ODAD4: variants seen among roughly 807,000 people sequenced by gnomAD.
ODAD4 encodes the protein outer dynein arm-docking complex subunit 4.
A neutral mutation model predicts 51.8 loss-of-function variants in ODAD4; 49 were observed. That is an observed-to-expected ratio of 0.95 (90% CI 0.75 to 1.20). ODAD4 has a LOEUF of 1.20. ODAD4 is among the 50% of genes most tolerant of loss of function. The pLI is 0.00. For synonymous variants in ODAD4, 235 were observed against 221.3 expected (o/e 1.06, Z -0.55); for missense variants, 590 against 586.5 (o/e 1.01, Z -0.06).
In ODAD4 at chr17:41,961,559, A is replaced by G. The variant is rs181548775; in HGVS notation, c.1528+93A>G. 5.8e-4 allele frequency: 400 copies of G among 689,730 alleles called. 1 individual carries two copies. In the East Asian group the frequency reaches 6.7e-3, roughly 12 times the overall value. The allele number at this position is 689,730 out of a possible 1,614,324, so 42.7% of individuals were successfully genotyped here. A position where few individuals can be genotyped will look rare whatever the true frequency, so the allele number is the denominator to read the frequency against. On this transcript the variant is annotated intron_variant, in intron 11 of 11. Transcript: ENST00000377540. ...AGACACATGCGACAGCAGCTCCCCA[A>G]TCTGGGGGCTTGGCACTGCCCATCG...
intron 1 of ODAD4, among the ~76,000 whole-genome samples, chr17:41,932,309 TC>T (rs376820757): frequency 4.4e-4 from 66 of 150,820 alleles, no homozygotes; most frequent in African/African-American, 1.1e-3. Flanking sequence ...CCTCAGGTGA[TC>T]CCCCCCCACC....
intron 9 of ODAD4, among the ~76,000 whole-genome samples, chr17:41,950,456 C>G (rs2050637914): frequency 6.6e-6 from 1 of 151,092 alleles, no homozygotes; most frequent in African/African-American, 2.4e-5. Flanking sequence ...GATCTCAGCT[C>G]ACTGCAACCT....
In ODAD4 at chr17:41,961,532, C is replaced by A; in HGVS notation, c.1528+66C>A. On this transcript the variant is annotated intron_variant, in intron 11 of 11. Transcript: ENST00000377540. Reference sequence around the variant, plus strand: ...CCCTCTGCTTTCTTTTCCTCTAGTCCGAGACACATGCGACAGCAGCTCCCC... The same window carrying A: ...CCCTCTGCTTTCTTTTCCTCTAGTCAGAGACACATGCGACAGCAGCTCCCC... 8.4e-6 allele frequency: 6 copies of A among 711,422 alleles called. No individual in the cohort carries two copies. The South Asian group carries it at 9.0e-5, about 11-fold the overall frequency. 44.1% of individuals were successfully genotyped at this position (711,422 alleles called of 1,614,324 possible).
At chr17:41,962,264 C>T (rs1293587074) in intron 11 of ODAD4, among the ~76,000 whole-genome samples, 2 of 152,172 alleles carry the variant, frequency 1.3e-5, no homozygotes, top group South Asian at 2.1e-4. Flanking sequence ...CCACCTGCGG[C>T]GCTGCTCTCG....
intron 7 of ODAD4, among the ~76,000 whole-genome samples, chr17:41,940,217 C>G (rs1360430323): frequency 6.6e-6 from 1 of 152,146 alleles, no homozygotes; most frequent in Admixed American, 6.5e-5. Flanking sequence ...CGACCTGAGT[C>G]CTGCTGCTTC....
chr17:41,938,669 C>A lies in ODAD4; in HGVS notation c.738C>A (p.Tyr246Ter), dbSNP rs549565054. The A allele has an allele frequency of 6.2e-7, 1 of 1,613,976 alleles. No homozygotes were observed. Among genetic ancestry groups the A allele is most frequent in the Admixed American group, 1.7e-5 (1 of 60,010 alleles). ...SNFWRQQKPI[Y>*]ARERDRKLMQ... ...TCTGGAGGCAGCAGAAGCCGATCTA[C>A]GCCAGGGAGCGGGACCGGAAGCTGA... The change falls in exon 6 of 12, where the codon TAC becomes TAA. Residue 246 changes from tyrosine to a stop codon, truncating the protein, a stop_gained. Coordinates refer to ENST00000377540, the MANE Select transcript of ODAD4 (RefSeq NM_031421.5). LOFTEE classifies it high-confidence loss of function.
chr17:41,962,262 G>A (rs544505121), intron 11 of ODAD4, among the ~76,000 whole-genome samples: 2 of 152,316 alleles, frequency 1.3e-5, no homozygotes, highest in African/African-American at 2.4e-5. Flanking sequence ...CCCCACCTGC[G>A]GCGCTGCTCT....
chr17:41,948,419 C>T (rs966624754), intron 8 of ODAD4, among the ~76,000 whole-genome samples: 3 of 150,590 alleles, frequency 2.0e-5, no homozygotes, highest in Non-Finnish European at 2.9e-5. Flanking sequence ...CAGGCTTAAG[C>T]GATCCCCCTA....
chr17:41,933,785 G>A (rs2050383844), intron 1 of ODAD4, among the ~76,000 whole-genome samples: 1 of 151,816 alleles, frequency 6.6e-6, no homozygotes, highest in Non-Finnish European at 1.5e-5. Context: ...CTGCACTCCA[G>A]CCTGGGTGAC....
chr17:41,938,520 G>A (rs1282162113), intron 5 of ODAD4, 37 bp from the exon 6 acceptor site: 1 of 1,576,534 alleles, frequency 6.3e-7, no homozygotes, highest in Non-Finnish European at 8.7e-7. Flanking sequence ...TTAGAGGCCT[G>A]TTCTCCTTGG....
rs997749210 is a variant in ODAD4 at position 41,939,259 on chromosome 17, G to A, written c.1058+87G>A. 19 of 1,309,802 alleles carry A rather than the reference G, an allele frequency of 1.5e-5. No individual in the cohort carries two copies. The African/African-American group carries it at 2.5e-4, about 17-fold the overall frequency. The allele number at this position is 1,309,802 out of a possible 1,614,324, so 81.1% of individuals were successfully genotyped here. A position where few individuals can be genotyped will look rare whatever the true frequency, so the allele number is the denominator to read the frequency against. ...GAGGCCCTTGCCAGGGCTGCTGGTGGCTTGACTCCCATTTTCTGCTCTGCA... is the reference window on the plus strand; with the variant it reads ...GAGGCCCTTGCCAGGGCTGCTGGTGACTTGACTCCCATTTTCTGCTCTGCA... On this transcript the variant is annotated intron_variant, in intron 7 of 11. Coordinates refer to ENST00000377540, the MANE Select transcript of ODAD4 (RefSeq NM_031421.5).
At chr17:41,957,735 C>T (rs1193287274) in intron 10 of ODAD4, among the ~76,000 whole-genome samples, 2 of 152,166 alleles carry the variant, frequency 1.3e-5, no homozygotes, top group Non-Finnish European at 2.9e-5. Flanking sequence ...CATCACCTTG[C>T]ATTCCAGCTC....
Position 41,966,434 on chromosome 17 carries a change from T to G in ODAD4, c.*951T>G, listed in dbSNP as rs1473235392. On this transcript the variant is annotated 3_prime_UTR_variant, in exon 12 of 12. Coordinates refer to ENST00000377540, the MANE Select transcript of ODAD4 (RefSeq NM_031421.5). Reference sequence around the variant, plus strand: ...AATCCAATGTGGTAAAAAAAAAAGTTTTTAATTAATGCAAAAGTCCATGAT... The same window carrying G: ...AATCCAATGTGGTAAAAAAAAAAGTGTTTAATTAATGCAAAAGTCCATGAT... Among the ~76,000 whole-genome samples the G allele has an allele frequency of 2.0e-5, 3 of 152,208 alleles. No homozygotes were observed. Among genetic ancestry groups the G allele is most frequent in the Non-Finnish European group, 4.4e-5 (3 of 68,032 alleles).
At chr17:41,937,054 T>G in intron 5 of ODAD4, 127 bp downstream of exon 5, 1 of 1,162,226 alleles carries the variant, frequency 8.6e-7, no homozygotes, top group Non-Finnish European at 1.2e-6. Context: ...CAGGTTTTAT[T>G]AGCATTCTCA....
chr17:41,936,737 G>C (rs372810976), intron 4 of ODAD4, 25 bp from the exon 5 acceptor site: 8 of 1,613,076 alleles, frequency 5.0e-6, no homozygotes, highest in Non-Finnish European at 6.8e-6. Context: ...CTGAAGCTCT[G>C]TTGGGTGTTG....
Position 41,949,923 on chromosome 17 carries a change from C to G in ODAD4, c.1342+574C>G, listed in dbSNP as rs887710861. ...TCCTGACCTCAGGTGATCCAAACGC[C>G]TCGGCCTCCCAAAGTGCTAGGATTA... is the stretch of plus-strand genomic sequence containing the variant. On this transcript the variant is annotated intron_variant, in intron 9 of 11. Transcript: ENST00000377540. Among the ~76,000 whole-genome samples, 62 of 152,116 alleles carry G rather than the reference C, an allele frequency of 4.1e-4. 2 individuals carry two copies. The East Asian group carries it at 0.012, about 29-fold the overall frequency.
At chr17:41,937,632 G>A (rs1028343296) in intron 5 of ODAD4, among the ~76,000 whole-genome samples, 5 of 152,248 alleles carry the variant, frequency 3.3e-5, no homozygotes, top group African/African-American at 7.2e-5. Context: ...AACCACATCC[G>A]GCTAATTTTT....
Position 41,965,032 on chromosome 17 carries a change from A to G in ODAD4, c.1568A>G (p.Lys523Arg), listed in dbSNP as rs2050858795. 1 of 727,892 alleles carries G rather than the reference A, an allele frequency of 1.4e-6. No homozygotes were observed. Among genetic ancestry groups the G allele is most frequent in the South Asian group, 1.5e-5 (1 of 67,602 alleles). The allele number at this position is 727,892 out of a possible 1,614,324, so 45.1% of individuals were successfully genotyped here. The change falls in exon 12 of 12, where the codon AAG becomes AGG. Residue 523 changes from lysine (K) to arginine (R), a missense_variant. Lys to Arg is a conservative substitution (Grantham distance 26, BLOSUM62 2). Transcript: ENST00000377540. Reference sequence around the variant, plus strand: ...GAAGATAGAATAATAACAAGAGAGAAGGACATGAGGAGAGTGAGAGATGAG... The same window carrying G: ...GAAGATAGAATAATAACAAGAGAGAGGGACATGAGGAGAGTGAGAGATGAG... ...LYEDRIITREKDMRRVRDEPE... is the reference protein window; with the variant it reads ...LYEDRIITRERDMRRVRDEPE...
intron 7 of ODAD4, among the ~76,000 whole-genome samples, chr17:41,943,854 A>G (rs2050540587): frequency 6.6e-6 from 1 of 152,092 alleles, no homozygotes; most frequent in African/African-American, 2.4e-5. Flanking sequence ...GGATCCCTTG[A>G]GCCCAAGAGT....
Sources: allele counts gnomAD v4.1 joint callset (sites outside exome capture counted in the v4.1 genomes callset), GRCh38; gene constraint gnomAD v4.1.1; transcripts MANE v1.5; gene names NCBI Gene and HGNC (gene_info 2026-07-23, HGNC 2026-07-21).